Variants in EVA1A observed in about 807,000 individuals in gnomAD.
EVA1A encodes the protein protein eva-1 homolog A.
In EVA1A, 7 loss-of-function variants were observed where a neutral mutation model predicts 9.8. The observed-to-expected ratio is 0.71, with a 90% CI of 0.41 to 1.34. EVA1A has a LOEUF of 1.34. EVA1A is among the 40% of genes most tolerant of loss of function. EVA1A has a pLI of 0.01. For missense variants in EVA1A, 206 were observed against 205.9 expected, an observed-to-expected ratio of 1.00 and a Z score of 0.00; for synonymous variants, 90 against 85.6, an observed-to-expected ratio of 1.05 and a Z score of -0.28.
At chr2:75,548,642 T>C (rs1173945788) in intron 1 of EVA1A, among the ~76,000 whole-genome samples, 1 of 152,112 alleles carries the variant, frequency 6.6e-6, no homozygotes, top group East Asian at 1.9e-4. Context: ...TCCTTAGAGT[T>C]CCCTTAGCAC....
intron 3 of EVA1A, among the ~76,000 whole-genome samples, chr2:75,508,033 T>A (rs1380609175): frequency 1.3e-5 from 2 of 152,252 alleles, no homozygotes; most frequent in African/African-American, 4.8e-5. Context: ...GAAGATTTCA[T>A]GGACACTTAT....
At chr2:75,568,641 T>C (rs1677071614) in intron 1 of EVA1A, among the ~76,000 whole-genome samples, 1 of 152,238 alleles carries the variant, frequency 6.6e-6, no homozygotes, top group South Asian at 2.1e-4. Context: ...GTCCCCAAAA[T>C]TTATTATATT....
chr2:75,495,036 C>A (rs994786186), intron 3 of EVA1A, among the ~76,000 whole-genome samples: 1 of 152,064 alleles, frequency 6.6e-6, no homozygotes. Flanking sequence ...AGGAACAGGC[C>A]TGGCCTTGAG....
chr2:75,522,574 C>A (rs535499637), intron 1 of EVA1A, 87 bp from the exon 2 acceptor site: 2 of 152,182 alleles, frequency 1.3e-5, no homozygotes, highest in Non-Finnish European at 2.9e-5. Flanking sequence ...GTGAACCCAG[C>A]AGAGAAGCTT....
chr2:75,560,361 T>C (rs1465466583), intron 1 of EVA1A, among the ~76,000 whole-genome samples: 1 of 152,042 alleles, frequency 6.6e-6, no homozygotes, highest in Non-Finnish European at 1.5e-5. Context: ...AAGCGCTAGA[T>C]TTGGGAACGA....
intron 1 of EVA1A, among the ~76,000 whole-genome samples, chr2:75,557,170 G>C (rs1237047922): frequency 6.6e-6 from 1 of 152,238 alleles, no homozygotes; most frequent in East Asian, 1.9e-4. Flanking sequence ...GAGGAAGCCA[G>C]AGTACACAAA....
intron 1 of EVA1A, among the ~76,000 whole-genome samples, chr2:75,554,452 G>T (rs1676629378): frequency 1.3e-5 from 2 of 152,164 alleles, no homozygotes; most frequent in Non-Finnish European, 2.9e-5. Context: ...AGGAAAGGGG[G>T]AAAAGCGGGG....
upstream of EVA1A, among the ~76,000 whole-genome samples, chr2:75,564,280 C>T (rs560694293): frequency 2.6e-5 from 4 of 152,342 alleles, no homozygotes; most frequent in African/African-American, 9.6e-5. Context: ...GCACAGCGTA[C>T]AGCTCCAGTT....
intron 3 of EVA1A, among the ~76,000 whole-genome samples, chr2:75,508,429 G>C (rs1674695697): frequency 6.6e-6 from 1 of 152,098 alleles, no homozygotes; most frequent in African/African-American, 2.4e-5. Flanking sequence ...GGGTGAAATA[G>C]ACCCCAGTCT....
chr2:75,546,525 C>T (rs1053165441), intron 1 of EVA1A, among the ~76,000 whole-genome samples: 1 of 152,026 alleles, frequency 6.6e-6, no homozygotes, highest in African/African-American at 2.4e-5. Context: ...TAGACAAAAT[C>T]TTCATGTCCC....
intron 3 of EVA1A, among the ~76,000 whole-genome samples, chr2:75,500,711 T>G (rs530234506): frequency 6.6e-6 from 1 of 152,112 alleles, no homozygotes; most frequent in Admixed American, 6.5e-5. Flanking sequence ...TCTATCCCTT[T>G]CTTTCCCTCT....
intron 1 of EVA1A, among the ~76,000 whole-genome samples, chr2:75,530,333 A>T (rs1675599472): frequency 6.6e-6 from 1 of 152,220 alleles, no homozygotes; most frequent in Non-Finnish European, 1.5e-5. Context: ...TCAAAGAAGA[A>T]TTGGTACCAA....
chr2:75,560,447 A>G (rs1180603071), intron 1 of EVA1A, among the ~76,000 whole-genome samples: 1 of 152,164 alleles, frequency 6.6e-6, no homozygotes, highest in Non-Finnish European at 1.5e-5. Flanking sequence ...GGGGGGCGAG[A>G]GAAGAAACAG....
intron 1 of EVA1A, among the ~76,000 whole-genome samples, chr2:75,557,676 T>TC (rs1017947413): frequency 5.9e-5 from 9 of 152,060 alleles, no homozygotes; most frequent in African/African-American, 9.7e-5. Context: ...GTTGACTCCA[T>TC]CCCCCCATCC....
At chr2:75,563,768 TGTTATG>T (rs1676968408), upstream of EVA1A, among the ~76,000 whole-genome samples, 1 of 152,214 alleles carries the variant, frequency 6.6e-6, no homozygotes, top group African/African-American at 2.4e-5. Flanking sequence ...CCCATTCGCT[TGTTATG>T]GTTACAAGTC....
At chr2:75,502,732 T>C (rs1198089842) in intron 3 of EVA1A, among the ~76,000 whole-genome samples, 3 of 152,180 alleles carry the variant, frequency 2.0e-5, no homozygotes, top group Admixed American at 6.5e-5. Flanking sequence ...TCTGGAATAA[T>C]TCCTTTATGC....
intron 1 of EVA1A, among the ~76,000 whole-genome samples, chr2:75,545,575 A>G (rs993622883): frequency 2.0e-5 from 3 of 152,224 alleles, no homozygotes; most frequent in Non-Finnish European, 2.9e-5. Context: ...GGAGGCCTTA[A>G]GCAGTGAGAT....
intron 1 of EVA1A, among the ~76,000 whole-genome samples, chr2:75,549,231 T>C (rs1053839409): frequency 6.6e-6 from 1 of 151,928 alleles, no homozygotes; most frequent in Non-Finnish European, 1.5e-5. Context: ...GTGTGGAACA[T>C]GTACATAGGA....
intron 3 of EVA1A, among the ~76,000 whole-genome samples, chr2:75,504,038 G>C (rs1015921436): frequency 1.3e-5 from 2 of 152,036 alleles, no homozygotes; most frequent in Admixed American, 6.6e-5. Context: ...TAAAAAGTGG[G>C]CATTAAAGAG....
Sources: gnomAD v4.1 joint callset for allele counts (sites outside exome capture counted in the v4.1 genomes callset) on GRCh38, gnomAD v4.1.1 for gene constraint, MANE v1.5 for transcripts, NCBI Gene and HGNC (gene_info 2026-07-23, HGNC 2026-07-21) for gene names.